GUCY1A2: variants seen among roughly 807,000 people sequenced by gnomAD.
GUCY1A2 encodes the protein guanylate cyclase 1 soluble subunit alpha 2.
A neutral mutation model predicts 63.5 loss-of-function variants in GUCY1A2; 27 were observed. That is an observed-to-expected ratio of 0.43 (90% CI 0.31 to 0.59). The LOEUF (loss-of-function observed/expected upper bound fraction) is 0.59, where lower values mean the gene tolerates loss of function less well. Among genes scored for constraint, GUCY1A2 ranks in the 20% least tolerant of loss-of-function variants. GUCY1A2 has a pLI of 0.11. For missense variants in GUCY1A2, 768 were observed against 913.3 expected, an observed-to-expected ratio of 0.84 and a Z score of 2.05; for synonymous variants, 364 against 343.5, an observed-to-expected ratio of 1.06 and a Z score of -0.66.
intron 4 of GUCY1A2, among the ~76,000 whole-genome samples, chr11:106,917,996 C>A (rs1003071342): frequency 7.7e-5 from 11 of 142,468 alleles, no homozygotes; most frequent in African/African-American, 2.5e-4. Context: ...GTACCATGGG[C>A]AGACAATAAT....
At chr11:106,755,823 G>A (rs1274825288) in intron 6 of GUCY1A2, among the ~76,000 whole-genome samples, 2 of 152,180 alleles carry the variant, frequency 1.3e-5, no homozygotes, top group Admixed American at 1.3e-4. Flanking sequence ...TGTGTATTCT[G>A]TTGATTTGGG....
At chr11:106,849,699 A>G (rs1168026462) in intron 4 of GUCY1A2, among the ~76,000 whole-genome samples, 2 of 150,572 alleles carry the variant, frequency 1.3e-5, no homozygotes, top group Non-Finnish European at 3.0e-5. Flanking sequence ...CATTTAAGAC[A>G]CTCTTTTGAA....
At chr11:106,965,697 C>T (rs1446426229) in intron 3 of GUCY1A2, among the ~76,000 whole-genome samples, 5 of 152,164 alleles carry the variant, frequency 3.3e-5, no homozygotes, top group Admixed American at 1.3e-4. Flanking sequence ...CTTACTCACT[C>T]TCAAATCTTC....
Position 106,909,128 on chromosome 11 carries a change from G to T in GUCY1A2, c.1206+30332C>A, listed in dbSNP as rs1319115811. Among the ~76,000 whole-genome samples the T allele has an allele frequency of 3.3e-5, 5 of 151,862 alleles. No homozygotes were observed. In the East Asian group the frequency reaches 9.7e-4, roughly 29 times the overall value. On this transcript the variant is annotated intron_variant, in intron 4 of 7. Transcript: ENST00000526355. ...AACAACAGAACCTTATTATATAAAA[G>T]ATAATAAGCTATATAATAAATTTTG...
chr11:106,748,926 T>C (rs1307906219), intron 6 of GUCY1A2, among the ~76,000 whole-genome samples: 1 of 152,030 alleles, frequency 6.6e-6, no homozygotes, highest in African/African-American at 2.4e-5. Context: ...ATTTCATAAA[T>C]TTTTGTCTCT....
At chr11:106,927,355 A>T (rs1860540088) in intron 4 of GUCY1A2, among the ~76,000 whole-genome samples, 1 of 151,694 alleles carries the variant, frequency 6.6e-6, no homozygotes, top group Non-Finnish European at 1.5e-5. Flanking sequence ...CCTGGGCAAC[A>T]GAGCGAGACT....
chr11:106,674,861 A>T lies in GUCY1A2; in HGVS notation c.*12688T>A. ...CACCCCATGCAGAGGATGCTAATGA[A>T]GGCCGAGCACATTATAACTGTGTGT... is the stretch of plus-strand genomic sequence containing the variant. On this transcript the variant is annotated 3_prime_UTR_variant, in exon 8 of 8. Transcript: ENST00000526355. The T allele has an allele frequency of 4.6e-6, 1 of 217,902 alleles. No individual in the cohort carries two copies. The highest frequency in any genetic ancestry group is 6.7e-5 in the East Asian group (1 of 14,872). 13.5% of individuals were successfully genotyped at this position (217,902 alleles called of 1,614,324 possible).
intron 1 of GUCY1A2, among the ~76,000 whole-genome samples, chr11:106,998,292 T>A (rs1861567087): frequency 6.6e-6 from 1 of 151,966 alleles, no homozygotes; most frequent in Admixed American, 6.6e-5. Flanking sequence ...AGAGAGAGGG[T>A]GAAAGGATGT....
chr11:106,967,331 T>C (rs1861138693), intron 3 of GUCY1A2, among the ~76,000 whole-genome samples: 1 of 152,188 alleles, frequency 6.6e-6, no homozygotes, highest in Non-Finnish European at 1.5e-5. Context: ...CCTCTCGGAA[T>C]TAATAGGATT....
intron 4 of GUCY1A2, among the ~76,000 whole-genome samples, chr11:106,905,801 C>G (rs148891760): frequency 1.3e-5 from 2 of 152,266 alleles, no homozygotes; most frequent in East Asian, 3.9e-4. Context: ...TAATGCAGCT[C>G]ATGCTTTTCA....
At chr11:106,973,457 C>T (rs572793585) in intron 3 of GUCY1A2, among the ~76,000 whole-genome samples, 35 of 152,200 alleles carry the variant, frequency 2.3e-4, no homozygotes, top group African/African-American at 7.9e-4. Flanking sequence ...TGCAACACAA[C>T]TGAACTTTCC....
intron 1 of GUCY1A2, among the ~76,000 whole-genome samples, chr11:106,992,969 T>G (rs1276587052): frequency 6.6e-6 from 1 of 152,152 alleles, no homozygotes; most frequent in Non-Finnish European, 1.5e-5. Context: ...GCATATTCCC[T>G]TTCTTTCCCT....
intron 4 of GUCY1A2, among the ~76,000 whole-genome samples, chr11:106,844,165 G>T (rs1859240009): frequency 6.6e-6 from 1 of 151,668 alleles, no homozygotes; most frequent in South Asian, 2.1e-4. Context: ...TGGAATCTGT[G>T]GACATAAGTA....
intron 1 of GUCY1A2, among the ~76,000 whole-genome samples, chr11:107,001,775 T>C (rs1861615647): frequency 6.6e-6 from 1 of 152,052 alleles, no homozygotes; most frequent in African/African-American, 2.4e-5. Flanking sequence ...TCCCAGAACT[T>C]TGGGAGGCAA....
rs190585005 is a variant in GUCY1A2 at position 106,927,265 on chromosome 11, C to A, written c.1206+12195G>T. ...GCGGGCGCCTGTAGTCCCAGCTACT[C>A]GGGAGGTTGAGGCAGGAGAATGGCA... On this transcript the variant is annotated intron_variant, in intron 4 of 7. Coordinates refer to ENST00000526355, the MANE Select transcript of GUCY1A2 (RefSeq NM_000855.3). Among the ~76,000 whole-genome samples the A allele has an allele frequency of 8.7e-4, 132 of 151,178 alleles. 1 individual carries two copies. Among genetic ancestry groups the A allele is most frequent in the African/African-American group, 2.9e-3 (119 of 41,288 alleles).
chr11:106,781,325 T>C (rs559994049), intron 5 of GUCY1A2, among the ~76,000 whole-genome samples: 1 of 152,264 alleles, frequency 6.6e-6, no homozygotes. Context: ...GGGGAAAAGA[T>C]AATGCTTATG....
At chr11:106,951,214 G>A (rs982215871) in intron 3 of GUCY1A2, among the ~76,000 whole-genome samples, 14 of 152,176 alleles carry the variant, frequency 9.2e-5, no homozygotes, top group Non-Finnish European at 1.9e-4. Flanking sequence ...ATGTGCATGT[G>A]TCTTTATAGT....
chr11:106,809,653 A>G (rs1217587394), intron 5 of GUCY1A2, among the ~76,000 whole-genome samples: 1 of 152,160 alleles, frequency 6.6e-6, no homozygotes, highest in Non-Finnish European at 1.5e-5. Flanking sequence ...CTTAGTTTAT[A>G]TTGGAACCCC....
At chr11:106,702,195 A>G (rs542338668) in intron 7 of GUCY1A2, among the ~76,000 whole-genome samples, 1 of 152,316 alleles carries the variant, frequency 6.6e-6, no homozygotes, top group East Asian at 1.9e-4. Flanking sequence ...TCAGTAATTC[A>G]ATAAATGTTT....
Sources: gnomAD v4.1 joint callset for allele counts (sites outside exome capture counted in the v4.1 genomes callset) on GRCh38, gnomAD v4.1.1 for gene constraint, MANE v1.5 for transcripts, NCBI Gene and HGNC (gene_info 2026-07-23, HGNC 2026-07-21) for gene names.